Variants in COL28A1 observed in about 807,000 individuals in gnomAD.
COL28A1 encodes collagen alpha-1(XXVIII) chain.
Under a neutral mutation model 150.2 loss-of-function variants are expected in COL28A1, and 161 were observed. The observed-to-expected ratio is 1.07, with a 90% CI of 0.94 to 1.22. The LOEUF (loss-of-function observed/expected upper bound fraction) is 1.22. COL28A1 is among the 50% of genes most tolerant of loss of function. The pLI, the probability that COL28A1 is intolerant of heterozygous loss-of-function variation, is 0.00. For synonymous variants in COL28A1, 552 were observed against 469.7 expected (o/e 1.18, Z -2.26); for missense variants, 1,617 against 1,388.3 (o/e 1.16, Z -2.62).
intron 25 of COL28A1, among the ~76,000 whole-genome samples, chr7:7,427,126 A>T (rs972260525): frequency 1.3e-5 from 2 of 152,226 alleles, no homozygotes; most frequent in Non-Finnish European, 2.9e-5. Context: ...GATGAAAGCA[A>T]TATTCAAAGT....
intron 27 of COL28A1, among the ~76,000 whole-genome samples, chr7:7,403,179 T>C (rs1274400240): frequency 6.8e-6 from 1 of 147,822 alleles, no homozygotes; most frequent in Non-Finnish European, 1.5e-5. Context: ...GAAGTTGGGG[T>C]GAAAGGGATC....
intron 1 of COL28A1, among the ~76,000 whole-genome samples, chr7:7,535,315 T>C (rs1782584381): frequency 6.6e-6 from 1 of 152,178 alleles, no homozygotes; most frequent in Admixed American, 6.5e-5. Context: ...AATAAAATGA[T>C]CTTATATCAG....
intron 27 of COL28A1, among the ~76,000 whole-genome samples, chr7:7,396,001 A>G (rs1284595470): frequency 1.3e-5 from 2 of 152,242 alleles, no homozygotes; most frequent in African/African-American, 4.8e-5. Context: ...TGAATAGTCA[A>G]CAAGTATTTG....
chr7:7,477,146 C>G lies in COL28A1; in HGVS notation c.1199G>C (p.Arg400Thr), dbSNP rs370254789. 12 of 1,354,854 alleles carry G rather than the reference C, an allele frequency of 8.9e-6. No individual in the cohort carries two copies. Among genetic ancestry groups the G allele is most frequent in the Non-Finnish European group, 1.3e-5 (12 of 943,114 alleles). 83.9% of individuals were successfully genotyped at this position (1,354,854 alleles called of 1,614,324 possible). The stretch of plus-strand genomic sequence containing the variant: ...TGGAAATCCTTCTCCGGGTAAGCCC[C>G]TCTCTCCTGGTACTCCCTCAGGACC... Reference protein sequence around the residue: ...PRGPEGVPGERGLPGEGFPGP... With the variant: ...PRGPEGVPGETGLPGEGFPGP... Residue 400 changes from arginine (R) to threonine (T), a missense_variant, in exon 14 of 35, where the codon AGG (arginine) becomes ACG (threonine). Transcript: ENST00000399429.
chr7:7,543,304 T>C, the COL28A1 span, among the ~76,000 whole-genome samples: 1 of 152,202 alleles, frequency 6.6e-6, no homozygotes, highest in Non-Finnish European at 1.5e-5. Flanking sequence ...TGCATGTGCA[T>C]TGAAACTTCA....
chr7:7,526,974 T>C (rs1243144095), intron 3 of COL28A1, among the ~76,000 whole-genome samples: 2 of 152,246 alleles, frequency 1.3e-5, no homozygotes, highest in Non-Finnish European at 2.9e-5. Flanking sequence ...AATTCACGAA[T>C]TCAGCTCTTA....
intron 27 of COL28A1, among the ~76,000 whole-genome samples, chr7:7,402,579 C>G (rs553200208): frequency 6.6e-6 from 1 of 152,114 alleles, no homozygotes; most frequent in African/African-American, 2.4e-5. Context: ...GAGATGAAAA[C>G]GTTGACACCA....
intron 27 of COL28A1, among the ~76,000 whole-genome samples, chr7:7,392,397 GC>G (rs1256395204): frequency 6.6e-6 from 1 of 152,184 alleles, no homozygotes; most frequent in Admixed American, 6.5e-5. Context: ...CTCTCTGGCT[GC>G]CCTTAACATT....
At position 7,358,731 on chromosome 7, in the gene COL28A1, C is replaced by T; in HGVS notation, c.3280G>A (p.Val1094Ile). 1 of 1,614,018 alleles carries T rather than the reference C, an allele frequency of 6.2e-7. No individual in the cohort carries two copies. Among genetic ancestry groups the T allele is most frequent in the Non-Finnish European group, 8.5e-7 (1 of 1,179,944 alleles). Residue 1094 changes from valine (V) to isoleucine (I), a missense_variant, in exon 35 of 35, where the codon GTC becomes ATC. Transcript: ENST00000399429. ...YVVRWYYDKQ[V>I]NSCARFWFSG... ...AACCAAAATCGGGCACAAGAGTTGA[C>T]CTGTTTGTCATAATACCATCGAACC...
chr7:7,394,872 G>C (rs775720930), intron 27 of COL28A1, among the ~76,000 whole-genome samples: 9 of 152,204 alleles, frequency 5.9e-5, no homozygotes, highest in Admixed American at 3.9e-4. Flanking sequence ...TCTAAGAAGA[G>C]ATAGGTATTT....
intron 31 of COL28A1, 46 bp downstream of exon 31, chr7:7,375,414 TG>T: frequency 6.5e-7 from 1 of 1,535,974 alleles, no homozygotes; most frequent in Non-Finnish European, 8.9e-7. Context: ...CAGTACATAG[TG>T]GGGCTGATGC....
chr7:7,489,087 G>A (rs1779778254), intron 13 of COL28A1, among the ~76,000 whole-genome samples: 1 of 152,002 alleles, frequency 6.6e-6, no homozygotes, highest in Admixed American at 6.6e-5. Flanking sequence ...GGCCAACATG[G>A]CAAAACACCG....
intron 30 of COL28A1, among the ~76,000 whole-genome samples, chr7:7,377,318 T>C (rs1781609834): frequency 6.6e-6 from 1 of 152,178 alleles, no homozygotes. Context: ...ATAACTACCT[T>C]GGCTACTTGG....
chr7:7,465,234 G>A (rs138999069), intron 15 of COL28A1, among the ~76,000 whole-genome samples: 5,824 of 150,192 alleles, frequency 0.039, 415 homozygotes, highest in African/African-American at 0.14. Flanking sequence ...AGTGGGCGCC[G>A]GCCAGTGTGT....
At chr7:7,535,688 C>T (rs868848138) in intron 1 of COL28A1, 62 bp downstream of exon 1, 1 of 152,144 alleles carries the variant, frequency 6.6e-6, no homozygotes, top group African/African-American at 2.4e-5. Context: ...ATTTAGTCTT[C>T]CACAGTTCCT....
At chr7:7,425,666 C>A (rs997161748) in intron 25 of COL28A1, among the ~76,000 whole-genome samples, 30 of 152,212 alleles carry the variant, frequency 2.0e-4, no homozygotes, top group African/African-American at 7.2e-4. Context: ...AAAATGGCTA[C>A]TACCACTAAT....
upstream of COL28A1, among the ~76,000 whole-genome samples, chr7:7,539,470 A>G (rs1288231587): frequency 6.6e-6 from 1 of 152,134 alleles, no homozygotes; most frequent in South Asian, 2.1e-4. Context: ...ACATGACCCA[A>G]ACGTTTCCCA....
chr7:7,342,587 T>TA, the COL28A1 span, among the ~76,000 whole-genome samples: 1 of 152,054 alleles, frequency 6.6e-6, no homozygotes, highest in Non-Finnish European at 1.5e-5. Flanking sequence ...TGAAGCTATG[T>TA]CCTCTGTTTC....
the COL28A1 span, among the ~76,000 whole-genome samples, chr7:7,344,263 C>CTTGT: frequency 6.6e-6 from 1 of 152,054 alleles, no homozygotes; most frequent in African/African-American, 2.4e-5. Context: ...AGCCACTGCA[C>CTTGT]CTGGCCTATT....
Sources: gnomAD v4.1 joint callset for allele counts (sites outside exome capture counted in the v4.1 genomes callset) on GRCh38, gnomAD v4.1.1 for gene constraint, MANE v1.5 for transcripts, NCBI Gene and HGNC (gene_info 2026-07-23, HGNC 2026-07-21) for gene names.